Variants in ADAMTS18 observed in about 807,000 individuals in gnomAD.
ADAMTS18 encodes the protein A disintegrin and metalloproteinase with thrombospondin motifs 18.
Under a neutral mutation model 165.9 loss-of-function variants are expected in ADAMTS18, and 157 were observed. The ratio of observed to expected loss-of-function variants is 0.95; its 90% CI spans 0.83 to 1.08. The LOEUF is 1.08. Ranked by LOEUF, ADAMTS18 falls within the 50% of genes least tolerant of loss-of-function variation. ADAMTS18 has a pLI of 0.00. For synonymous variants in ADAMTS18, 782 were observed against 578.2 expected, an observed-to-expected ratio of 1.35 and a Z score of -5.06; for missense variants, 2,040 against 1,534.0, an observed-to-expected ratio of 1.33 and a Z score of -5.51.
chr16:77,293,797 G>C (rs1452407547), intron 19 of ADAMTS18, among the ~76,000 whole-genome samples: 2 of 149,180 alleles, frequency 1.3e-5, no homozygotes, highest in East Asian at 3.9e-4. Context: ...TCACAACAGG[G>C]TTCAAACTCC....
intron 11 of ADAMTS18, among the ~76,000 whole-genome samples, chr16:77,337,422 G>A (rs2056327125): frequency 6.6e-6 from 1 of 152,278 alleles, no homozygotes; most frequent in East Asian, 1.9e-4. Flanking sequence ...TCCTTGCAAA[G>A]CACTGAATTA....
intron 17 of ADAMTS18, among the ~76,000 whole-genome samples, chr16:77,298,628 T>C (rs935480381): frequency 2.0e-5 from 3 of 151,384 alleles, no homozygotes; most frequent in Admixed American, 6.6e-5. Flanking sequence ...CCCATCTCTA[T>C]AAAAAAGAAA....
intron 9 of ADAMTS18, among the ~76,000 whole-genome samples, chr16:77,355,181 A>T (rs2056609949): frequency 6.8e-6 from 1 of 146,858 alleles, no homozygotes; most frequent in African/African-American, 2.5e-5. Context: ...TTGTGGGTCA[A>T]TATAGATTAT....
chr16:77,415,894 C>T (rs2057524134), intron 3 of ADAMTS18, among the ~76,000 whole-genome samples: 1 of 152,138 alleles, frequency 6.6e-6, no homozygotes, highest in African/African-American at 2.4e-5. Flanking sequence ...AGGATAATTA[C>T]ATACATTCAT....
At chr16:77,310,602 G>C (rs1313046297) in intron 16 of ADAMTS18, among the ~76,000 whole-genome samples, 1 of 151,824 alleles carries the variant, frequency 6.6e-6, no homozygotes, top group East Asian at 1.9e-4. Context: ...AGGCTGTAAA[G>C]TTTTGGTGAA....
intron 7 of ADAMTS18, 125 bp from the exon 8 acceptor site, chr16:77,359,548 GGAAAA>G (rs1314908398): frequency 0.047 from 28,270 of 606,544 alleles, 110 homozygotes; most frequent in Non-Finnish European, 0.055. Flanking sequence ...CAGTGTTTTT[GGAAAA>G]AAAAAAAAAA....
chr16:77,334,764 A>T (rs1233784908), intron 12 of ADAMTS18, among the ~76,000 whole-genome samples: 2 of 10,406 alleles, frequency 1.9e-4, no homozygotes, highest in Non-Finnish European at 2.9e-4. Context: ...TATAGTATAC[A>T]GTATATATAC....
At chr16:77,358,149 A>G (rs569069100) in intron 8 of ADAMTS18, among the ~76,000 whole-genome samples, 2 of 152,172 alleles carry the variant, frequency 1.3e-5, no homozygotes, top group Non-Finnish European at 2.9e-5. Context: ...TGGCTTATTC[A>G]TATCTAGGAA....
At chr16:77,405,708 G>A (rs2057385444) in intron 3 of ADAMTS18, among the ~76,000 whole-genome samples, 1 of 151,828 alleles carries the variant, frequency 6.6e-6, no homozygotes, top group South Asian at 2.1e-4. Context: ...TCGAAGCTCT[G>A]GCCACTATGG....
chr16:77,325,323 C>A (rs766731396), intron 13 of ADAMTS18, among the ~76,000 whole-genome samples: 20 of 152,106 alleles, frequency 1.3e-4, no homozygotes, highest in Non-Finnish European at 2.5e-4. Context: ...AATAAAGACA[C>A]ATTAATTTAA....
chr16:77,336,838 G>A (rs965470570), intron 11 of ADAMTS18, among the ~76,000 whole-genome samples: 1 of 152,158 alleles, frequency 6.6e-6, no homozygotes, highest in Non-Finnish European at 1.5e-5. Flanking sequence ...CTTTGATTAT[G>A]AGAAAGTTCT....
chr16:77,321,298 C>A (rs1046212037), intron 14 of ADAMTS18, 96 bp from the exon 15 acceptor site: 1 of 1,513,646 alleles, frequency 6.6e-7, no homozygotes, highest in African/African-American at 1.4e-5. Context: ...ATTTACAGAA[C>A]ATTAGGGAAG....
intron 3 of ADAMTS18, among the ~76,000 whole-genome samples, chr16:77,426,200 C>T (rs962809094): frequency 1.3e-5 from 2 of 152,128 alleles, no homozygotes; most frequent in African/African-American, 4.8e-5. Flanking sequence ...TCTAAATTTT[C>T]CCTAACTTGT....
intron 19 of ADAMTS18, among the ~76,000 whole-genome samples, chr16:77,293,604 T>G (rs1450996803): frequency 1.3e-5 from 2 of 151,914 alleles, no homozygotes; most frequent in Non-Finnish European, 2.9e-5. Flanking sequence ...CTCTCCCTCC[T>G]GACCCCTAAT....
At chr16:77,398,846 G>C (rs906425609) in intron 3 of ADAMTS18, among the ~76,000 whole-genome samples, 3 of 152,178 alleles carry the variant, frequency 2.0e-5, no homozygotes, top group Non-Finnish European at 2.9e-5. Flanking sequence ...AGAAGTGTAA[G>C]TTTAAGACCT....
At chr16:77,422,322 G>T (rs367851852) in intron 3 of ADAMTS18, among the ~76,000 whole-genome samples, 1 of 151,914 alleles carries the variant, frequency 6.6e-6, no homozygotes, top group Non-Finnish European at 1.5e-5. Flanking sequence ...ATAAGTCACC[G>T]CAGATGCCAG....
At chr16:77,411,704 T>TTTTA (rs2057465664) in intron 3 of ADAMTS18, among the ~76,000 whole-genome samples, 1 of 130,146 alleles carries the variant, frequency 7.7e-6, no homozygotes, top group Non-Finnish European at 1.7e-5. Flanking sequence ...TTTTTTTTTT[T>TTTTA]GAGACAGAGT....
intron 10 of ADAMTS18, among the ~76,000 whole-genome samples, chr16:77,349,325 G>T (rs1300654447): frequency 6.6e-6 from 1 of 151,860 alleles, no homozygotes; most frequent in African/African-American, 2.4e-5. Flanking sequence ...TGCCCACAAG[G>T]AGATTCCTAG....
At position 77,282,958 on chromosome 16, in the gene ADAMTS18, C is replaced by G. The variant is rs183841226; in HGVS notation, c.*998G>C. 1 of 114,946 alleles carries G rather than the reference C, an allele frequency of 8.7e-6. No homozygotes were observed. Among genetic ancestry groups the G allele is most frequent in the African/African-American group, 3.3e-5 (1 of 30,712 alleles). 7.1% of individuals were successfully genotyped at this position (114,946 alleles called of 1,614,324 possible). A position where few individuals can be genotyped will look rare whatever the true frequency, so the allele number is the denominator to read the frequency against. ...AGCTCAATCCTAGGGCAAATTTAAA[C>G]GTATCAGTTGGTAGGAAAAAGCCAC... On this transcript the variant is annotated 3_prime_UTR_variant, in exon 23 of 23. Coordinates refer to ENST00000282849, the MANE Select transcript of ADAMTS18 (RefSeq NM_199355.4).
Sources: allele counts gnomAD v4.1 joint callset (sites outside exome capture counted in the v4.1 genomes callset), GRCh38; gene constraint gnomAD v4.1.1; transcripts MANE v1.5; gene names NCBI Gene and HGNC (gene_info 2026-07-23, HGNC 2026-07-21).